CCDC93: variants seen among roughly 807,000 people sequenced by gnomAD.
CCDC93 encodes CCC complex scaffolding subunit CCDC93, also known as coiled-coil domain-containing protein 93.
CCDC93 carries 61 observed loss-of-function variants against 108.2 expected under a neutral mutation model. The observed-to-expected ratio is 0.56, with a 90% CI of 0.46 to 0.70. The LOEUF is 0.70. Ranked by LOEUF, CCDC93 falls within the 30% of genes least tolerant of loss-of-function variation. The pLI, the probability that CCDC93 is intolerant of heterozygous loss-of-function variation, is 0.00. For synonymous variants in CCDC93, 276 were observed against 260.4 expected, an observed-to-expected ratio of 1.06 and a Z score of -0.58; for missense variants, 685 against 764.2, an observed-to-expected ratio of 0.90 and a Z score of 1.22.
intron 15 of CCDC93, 70 bp from the exon 16 acceptor site, chr2:117,946,952 G>T: frequency 8.9e-7 from 1 of 1,123,514 alleles, no homozygotes; most frequent in South Asian, 1.3e-5. Flanking sequence ...TCAACTATTT[G>T]GTCCACAAGT....
At chr2:117,958,797 G>C (rs905846944) in intron 11 of CCDC93, among the ~76,000 whole-genome samples, 19 of 152,270 alleles carry the variant, frequency 1.2e-4, no homozygotes, top group Non-Finnish European at 2.6e-4. Flanking sequence ...GAATAACATG[G>C]CCATAGTAAT....
chr2:117,920,935 G>C (rs1421682744), intron 23 of CCDC93, among the ~76,000 whole-genome samples: 1 of 152,190 alleles, frequency 6.6e-6, no homozygotes, highest in Non-Finnish European at 1.5e-5. Context: ...TGTAATCCCA[G>C]CACTTTGGGA....
intron 13 of CCDC93, chr2:117,950,784 T>C (rs1679028740): frequency 1.0e-6 from 1 of 985,280 alleles, no homozygotes; most frequent in African/African-American, 1.7e-5. Flanking sequence ...TTTTTCTAGA[T>C]GGGAATTAGT....
At chr2:117,951,754 C>A in intron 13 of CCDC93, 10 of 930,206 alleles carry the variant, frequency 1.1e-5, no homozygotes, top group Non-Finnish European at 1.3e-5. Flanking sequence ...ACAGAGGTGG[C>A]AGCAGAGGTG....
chr2:117,969,272 G>A (rs1011046123), intron 11 of CCDC93, among the ~76,000 whole-genome samples: 2 of 152,216 alleles, frequency 1.3e-5, no homozygotes, highest in Admixed American at 6.5e-5. Context: ...GTAGCCTCCA[G>A]CTAACGGCCA....
At chr2:117,985,340 A>G in intron 7 of CCDC93, 2 of 361,580 alleles carry the variant, frequency 5.5e-6, no homozygotes, top group Non-Finnish European at 7.7e-6. Context: ...GCAGAGCAGC[A>G]CACAGGAGCC....
intron 4 of CCDC93, chr2:117,999,219 T>C (rs1296859919): frequency 6.6e-6 from 1 of 152,204 alleles, no homozygotes; most frequent in Admixed American, 6.5e-5. Flanking sequence ...CTCTTGACCC[T>C]ATATTTCAAA....
Position 117,936,694 on chromosome 2 carries a change from G to A in CCDC93, c.1643+8C>T, listed in dbSNP as rs779727109. The stretch of plus-strand genomic sequence containing the variant: ...GTATTAGTGGGAAGGAGGACTGACA[G>A]TACTTACTGTGAGAAGTTCTCATGA... On this transcript the variant is annotated splice_region_variant and intron_variant, in intron 21 of 23. Transcript: ENST00000376300. The A allele has an allele frequency of 2.7e-5, 44 of 1,610,448 alleles. No individual in the cohort carries two copies. Among genetic ancestry groups the A allele is most frequent in the Non-Finnish European group, 3.7e-5 (44 of 1,176,614 alleles).
intron 12 of CCDC93, among the ~76,000 whole-genome samples, chr2:117,956,890 CAT>C (rs1491570809): frequency 2.7e-5 from 1 of 37,114 alleles, no homozygotes. Context: ...AACTGGTACC[CAT>C]TTTTTTTTTT....
chr2:117,981,275 T>C, intron 7 of CCDC93, among the ~76,000 whole-genome samples: 1 of 152,214 alleles, frequency 6.6e-6, no homozygotes, highest in East Asian at 1.9e-4. Flanking sequence ...GCTCAATTAA[T>C]GGTTGCTGCA....
In CCDC93 at chr2:117,951,031, T is replaced by A. The variant is rs1290684216; in HGVS notation, c.1068+1342A>T. On this transcript the variant is annotated intron_variant, in intron 13 of 23. Transcript: ENST00000376300. ...CACCTTTCTATAACATGAAAAGGGC[T>A]CAACAAATACTTGATTTAGTATTTA... 3 of 981,492 alleles carry A rather than the reference T, an allele frequency of 3.1e-6. No homozygotes were observed. In the East Asian group the frequency reaches 3.4e-4, roughly 112 times the overall value. The allele number at this position is 981,492 out of a possible 1,614,324, so 60.8% of individuals were successfully genotyped here. A position where few individuals can be genotyped will look rare whatever the true frequency, so the allele number is the denominator to read the frequency against.
At chr2:117,946,191 G>C (rs1011962637) in intron 16 of CCDC93, among the ~76,000 whole-genome samples, 6 of 152,180 alleles carry the variant, frequency 3.9e-5, no homozygotes, top group African/African-American at 1.4e-4. Flanking sequence ...CAGGCAGCAG[G>C]GCATGCGGTC....
intron 23 of CCDC93, among the ~76,000 whole-genome samples, chr2:117,923,209 G>A (rs1677941628): frequency 6.6e-6 from 1 of 152,202 alleles, no homozygotes; most frequent in African/African-American, 2.4e-5. Context: ...GACGGGTGAT[G>A]TCTGCATTTC....
intron 2 of CCDC93, 77 bp downstream of exon 2, chr2:118,008,468 T>C (rs2104834700): frequency 1.2e-6 from 1 of 825,640 alleles, no homozygotes; most frequent in East Asian, 2.5e-5. Flanking sequence ...ACATCATCTT[T>C]TCCTCCTTTC....
At chr2:117,980,898 G>A (rs1348920858) in intron 7 of CCDC93, among the ~76,000 whole-genome samples, 1 of 152,088 alleles carries the variant, frequency 6.6e-6, no homozygotes, top group Non-Finnish European at 1.5e-5. Context: ...TCTACCTTCT[G>A]TCTCTATGGA....
At chr2:117,989,011 C>T (rs954286762) in intron 6 of CCDC93, among the ~76,000 whole-genome samples, 1 of 152,186 alleles carries the variant, frequency 6.6e-6, no homozygotes, top group African/African-American at 2.4e-5. Flanking sequence ...AAAGATGGCT[C>T]CTGGGTTGTT....
At chr2:117,967,438 G>A (rs1679623095) in intron 11 of CCDC93, among the ~76,000 whole-genome samples, 3 of 152,194 alleles carry the variant, frequency 2.0e-5, no homozygotes, top group Admixed American at 6.5e-5. Context: ...GGGCTGAGCT[G>A]CACCATTTTC....
chr2:117,945,657 A>G, intron 16 of CCDC93, 75 bp from the exon 17 acceptor site: 2 of 1,301,084 alleles, frequency 1.5e-6, no homozygotes, highest in Non-Finnish European at 1.1e-6. Flanking sequence ...ATCTAGATGT[A>G]GGAAGGGGCC....
intron 6 of CCDC93, among the ~76,000 whole-genome samples, chr2:117,993,849 T>A (rs1680562618): frequency 2.6e-5 from 4 of 152,218 alleles, no homozygotes; most frequent in Non-Finnish European, 5.9e-5. Flanking sequence ...TTCTCCTGCC[T>A]CAGCCTCCCA....
Sources: gnomAD v4.1 joint callset for allele counts (sites outside exome capture counted in the v4.1 genomes callset) on GRCh38, gnomAD v4.1.1 for gene constraint, MANE v1.5 for transcripts, NCBI Gene and HGNC (gene_info 2026-07-23, HGNC 2026-07-21) for gene names.